TNC: variants seen among roughly 807,000 people sequenced by gnomAD.
TNC encodes the protein tenascin.
TNC carries 109 observed loss-of-function variants against 202.4 expected under a neutral mutation model. The observed-to-expected ratio is 0.54, with a 90% confidence interval of 0.46 to 0.63. The LOEUF is 0.63. TNC is among the 30% of genes least tolerant of loss of function. The pLI, the probability that TNC is intolerant of heterozygous loss-of-function variation, is 0.00. For synonymous variants in TNC, 1,007 were observed against 1,089.7 expected (o/e 0.92, Z 1.50); for missense variants, 2,756 against 2,833.3 (o/e 0.97, Z 0.62).
At chr9:115,099,227 AG>A (rs1198610123) in intron 1 of TNC, among the ~76,000 whole-genome samples, 1 of 152,148 alleles carries the variant, frequency 6.6e-6, no homozygotes, top group Non-Finnish European at 1.5e-5. Context: ...GTGTTGAACA[AG>A]TGTAAGAACG....
chr9:115,083,276 C>T (rs981892889), intron 4 of TNC, among the ~76,000 whole-genome samples: 3 of 151,986 alleles, frequency 2.0e-5, no homozygotes, highest in Non-Finnish European at 4.4e-5. Context: ...TAAATGGCAG[C>T]CAATGTTATT....
At chr9:115,074,481 C>G (rs1833694878) in intron 9 of TNC, among the ~76,000 whole-genome samples, 1 of 152,182 alleles carries the variant, frequency 6.6e-6, no homozygotes, top group Non-Finnish European at 1.5e-5. Context: ...GACTTCGCAG[C>G]CTTCAGAACT....
chr9:115,077,109 G>C (rs1833921736), intron 7 of TNC, among the ~76,000 whole-genome samples: 1 of 152,106 alleles, frequency 6.6e-6, no homozygotes, highest in South Asian at 2.1e-4. Flanking sequence ...ACCCAGGTTG[G>C]AATGCAGTGG....
intron 25 of TNC, among the ~76,000 whole-genome samples, chr9:115,029,070 G>C (rs1322373931): frequency 3.4e-5 from 5 of 147,412 alleles, no homozygotes; most frequent in Non-Finnish European, 7.4e-5. Context: ...TGGACCACAG[G>C]CTGTTCCTGT....
chr9:115,045,768 T>C (rs1831140712), intron 17 of TNC, among the ~76,000 whole-genome samples: 1 of 151,980 alleles, frequency 6.6e-6, no homozygotes, highest in South Asian at 2.1e-4. Context: ...AAGGACACTC[T>C]AGGTGCCTTT....
intron 25 of TNC, among the ~76,000 whole-genome samples, chr9:115,027,189 C>T (rs1041863742): frequency 1.3e-5 from 2 of 151,768 alleles, no homozygotes; most frequent in African/African-American, 2.4e-5. Flanking sequence ...TGGAGTAATA[C>T]TAGGCTCAGG....
At chr9:115,109,631 A>G (rs1836886349) in intron 1 of TNC, among the ~76,000 whole-genome samples, 1 of 152,224 alleles carries the variant, frequency 6.6e-6, no homozygotes, top group Non-Finnish European at 1.5e-5. Context: ...TCAGCCTCAA[A>G]TCCCCAGACA....
At chr9:115,030,436 C>T (rs1829860958) in intron 23 of TNC, 31 bp from the exon 24 acceptor site, 5 of 1,600,130 alleles carry the variant, frequency 3.1e-6, no homozygotes, top group Non-Finnish European at 4.3e-6. Context: ...GTGATGCTCT[C>T]AGTGCAGGAG....
At chr9:115,110,547 G>A (rs1836961783) in intron 1 of TNC, among the ~76,000 whole-genome samples, 1 of 152,128 alleles carries the variant, frequency 6.6e-6, no homozygotes, top group Non-Finnish European at 1.5e-5. Flanking sequence ...GAACAGATTT[G>A]CTTGTCAAGG....
At chr9:115,038,010 T>G (rs1830458614) in intron 20 of TNC, among the ~76,000 whole-genome samples, 1 of 152,178 alleles carries the variant, frequency 6.6e-6, no homozygotes, top group Non-Finnish European at 1.5e-5. Context: ...GCAGAGATAC[T>G]AACAGGAGAG....
intron 22 of TNC, among the ~76,000 whole-genome samples, chr9:115,032,185 TA>T (rs1830000643): frequency 6.6e-6 from 1 of 152,094 alleles, no homozygotes; most frequent in Non-Finnish European, 1.5e-5. Flanking sequence ...ATTTAAAACA[TA>T]AAATGAAATA....
intron 11 of TNC, 86 bp downstream of exon 11, chr9:115,064,561 C>A (rs1832795296): frequency 6.8e-7 from 1 of 1,472,570 alleles, no homozygotes; most frequent in Admixed American, 2.1e-5. Flanking sequence ...AGAACAAGTC[C>A]ATTCCAAAGC....
In TNC at chr9:115,077,336, G is replaced by A. The variant is rs561066164; in HGVS notation, c.2674+607C>T. On this transcript the variant is annotated intron_variant, in intron 7 of 27. Coordinates refer to ENST00000350763, the MANE Select transcript of TNC (RefSeq NM_002160.4). ...CTCCCAAAGTGCTGGGATTACAGGC[G>A]TGAGCCACTGCGCCTGACCCCAATT... is the stretch of plus-strand genomic sequence containing the variant. Among the ~76,000 whole-genome samples, 71 of 152,314 alleles carry A rather than the reference G, an allele frequency of 4.7e-4. 1 individual carries two copies. In the South Asian group the frequency reaches 0.012, roughly 26 times the overall value.
chr9:115,090,424 TA>T, intron 2 of TNC, 137 bp downstream of exon 2: 1 of 669,178 alleles, frequency 1.5e-6, no homozygotes, highest in Non-Finnish European at 2.5e-6. Flanking sequence ...TATTTGAACA[TA>T]AAATCTCTTT....
At chr9:115,023,919 G>A in intron 27 of TNC, 54 bp downstream of exon 27, 13 of 1,575,754 alleles carry the variant, frequency 8.3e-6, no homozygotes, top group Non-Finnish European at 1.1e-5. Context: ...ACTTCCATTA[G>A]CCCCCTCCAG....
chr9:115,031,273 C>T (rs561227970), intron 23 of TNC, among the ~76,000 whole-genome samples: 6 of 152,218 alleles, frequency 3.9e-5, no homozygotes, highest in South Asian at 2.1e-4. Context: ...CCTGTATAGA[C>T]GAAGAAGCTA....
At chr9:115,054,936 G>A (rs891947385) in intron 15 of TNC, among the ~76,000 whole-genome samples, 4 of 152,184 alleles carry the variant, frequency 2.6e-5, no homozygotes, top group African/African-American at 9.7e-5. Context: ...AAAATCACGA[G>A]AACAAGATAA....
chr9:115,057,250 A>G lies in TNC; in HGVS notation c.4482T>C (p.His1494=), dbSNP rs1211900073. The G allele has an allele frequency of 6.2e-7, 1 of 1,614,046 alleles. No individual in the cohort carries two copies. Among genetic ancestry groups the G allele is most frequent in the African/African-American group, 1.3e-5 (1 of 74,914 alleles). ...CAGTACTAGGGGGTAGCCCTGAGAT[A>G]TGGGCAGTTCGTTCAGCACCAGAGA... The part of the protein sequence containing the change: ...YNISGAERTA[H]ISGLPPSTDF... Residue 1494 remains histidine (H), a synonymous_variant, in exon 15 of 28, where the codon CAT becomes CAC. Coordinates refer to ENST00000350763, the MANE Select transcript of TNC (RefSeq NM_002160.4).
intron 1 of TNC, among the ~76,000 whole-genome samples, chr9:115,093,530 A>T (rs1835386535): frequency 6.6e-6 from 1 of 151,476 alleles, no homozygotes; most frequent in South Asian, 2.1e-4. Context: ...ACAAATATTT[A>T]TTGGCTGCAT....
Sources: gnomAD v4.1 joint callset for allele counts (sites outside exome capture counted in the v4.1 genomes callset) on GRCh38, gnomAD v4.1.1 for gene constraint, MANE v1.5 for transcripts, NCBI Gene and HGNC (gene_info 2026-07-23, HGNC 2026-07-21) for gene names.